The following KIAA0319L variants were observed in gnomAD, a reference collection of about 807,000 sequenced individuals.
KIAA0319L encodes dyslexia-associated protein KIAA0319-like protein.
KIAA0319L carries 55 observed loss-of-function variants against 120.1 expected under a neutral mutation model. The observed-to-expected ratio is 0.46, with a 90% confidence interval of 0.37 to 0.57. KIAA0319L has a LOEUF of 0.57. KIAA0319L is among the 20% of genes least tolerant of loss of function. The pLI, the probability that KIAA0319L is intolerant of heterozygous loss-of-function variation, is 0.00. For missense variants in KIAA0319L, 1,049 were observed against 1,255.3 expected, an observed-to-expected ratio of 0.84 and a Z score of 2.48; for synonymous variants, 398 against 471.9, an observed-to-expected ratio of 0.84 and a Z score of 2.03.
At position 35,444,303 on chromosome 1, in the gene KIAA0319L, GC is replaced by G. The variant is rs770559112; in HGVS notation, c.2514-1del. On this transcript the variant is annotated splice_acceptor_variant, in intron 16 of 20. Coordinates refer to ENST00000325722, the MANE Select transcript of KIAA0319L (RefSeq NM_024874.5). LOFTEE classifies it high-confidence loss of function. ...TTTGAACAAAAAATACCATTTTGGT[GC>G]TGCAGAGACATGCAACAGTACTAAT... is the stretch of plus-strand genomic sequence containing the variant. The G allele has an allele frequency of 4.4e-6, 7 of 1,603,966 alleles. No individual in the cohort carries two copies. Among genetic ancestry groups the G allele is most frequent in the Non-Finnish European group, 6.0e-6 (7 of 1,175,968 alleles).
intron 2 of KIAA0319L, among the ~76,000 whole-genome samples, chr1:35,536,839 A>G (rs1646590537): frequency 6.6e-6 from 1 of 151,862 alleles, no homozygotes; most frequent in Non-Finnish European, 1.5e-5. Flanking sequence ...TAATATTTAA[A>G]GGCAGATTGA....
chr1:35,513,284 ATATATT>A (rs146831918), intron 2 of KIAA0319L, among the ~76,000 whole-genome samples: 28 of 103,212 alleles, frequency 2.7e-4, no homozygotes, highest in Admixed American at 6.9e-4. Context: ...ATATATATAT[ATATATT>A]TTTTTTTTTT....
chr1:35,472,311 T>C (rs1443485009), intron 5 of KIAA0319L, among the ~76,000 whole-genome samples: 1 of 152,130 alleles, frequency 6.6e-6, no homozygotes, highest in Non-Finnish European at 1.5e-5. Flanking sequence ...ACTGACTGAT[T>C]GAGATGAAGT....
intron 3 of KIAA0319L, among the ~76,000 whole-genome samples, chr1:35,482,403 A>G (rs1644209093): frequency 6.6e-6 from 1 of 150,626 alleles, no homozygotes; most frequent in Non-Finnish European, 1.5e-5. Flanking sequence ...TTACAAATCA[A>G]GCTGTTATAA....
intron 3 of KIAA0319L, among the ~76,000 whole-genome samples, chr1:35,484,382 AG>A (rs1644284380): frequency 1.3e-5 from 2 of 152,268 alleles, no homozygotes; most frequent in Non-Finnish European, 2.9e-5. Flanking sequence ...AGGCCAGCCT[AG>A]GCAACATAGT....
chr1:35,479,755 T>C (rs1484802689), intron 3 of KIAA0319L, among the ~76,000 whole-genome samples: 1 of 151,610 alleles, frequency 6.6e-6, no homozygotes, highest in Non-Finnish European at 1.5e-5. Flanking sequence ...ACATAAAAAA[T>C]TAGCTGGGCA....
intron 2 of KIAA0319L, among the ~76,000 whole-genome samples, chr1:35,543,264 T>C (rs77764926): frequency 1.3e-5 from 2 of 152,336 alleles, no homozygotes; most frequent in East Asian, 1.9e-4. Flanking sequence ...CAGAAAACTC[T>C]ACCTTCCCCC....
At chr1:35,527,214 C>T (rs1187644769) in intron 2 of KIAA0319L, among the ~76,000 whole-genome samples, 2 of 149,116 alleles carry the variant, frequency 1.3e-5, no homozygotes, top group African/African-American at 2.6e-5. Context: ...TTTGTTGAAC[C>T]ATCCTTGCAT....
chr1:35,450,495 G>A lies in KIAA0319L; in HGVS notation c.2077C>T (p.Pro693Ser). The change falls in exon 14 of 21, where the codon CCT becomes TCT. Residue 693 changes from proline to serine, a missense_variant. Physicochemically the swap from Pro to Ser is moderately conservative, Grantham distance 74 (BLOSUM62 -1). Transcript: ENST00000325722. ...VIVKEEINKP[P>S]IAKITGNVVI... is the part of the protein sequence containing the mutation. Reference sequence around the variant, plus strand: ...ACATTCCCAGTTATCTTGGCTATAGGTGGTTTGTTTATTTCTAATCAAAAA... The same window carrying A: ...ACATTCCCAGTTATCTTGGCTATAGATGGTTTGTTTATTTCTAATCAAAAA... 3 of 1,612,906 alleles carry A rather than the reference G, an allele frequency of 1.9e-6. No individual in the cohort carries two copies. The highest frequency in any genetic ancestry group is 2.5e-6 in the Non-Finnish European group (3 of 1,179,270).
chr1:35,555,670 C>T (rs1249308219), intron 1 of KIAA0319L, among the ~76,000 whole-genome samples: 1 of 152,172 alleles, frequency 6.6e-6, no homozygotes, highest in Non-Finnish European at 1.5e-5. Context: ...GTACATCCAG[C>T]AATTTCTCTA....
chr1:35,452,098 G>A (rs79907589), intron 12 of KIAA0319L, among the ~76,000 whole-genome samples: 4 of 152,212 alleles, frequency 2.6e-5, no homozygotes, highest in Non-Finnish European at 5.9e-5. Flanking sequence ...CTGATCAAAA[G>A]AATGATTTAA....
chr1:35,452,455 G>GC, intron 12 of KIAA0319L, among the ~76,000 whole-genome samples: 1 of 152,264 alleles, frequency 6.6e-6, no homozygotes. Flanking sequence ...GGATCAAAAT[G>GC]CCCCAGAGCT....
chr1:35,461,388 C>T (rs1226735551), intron 8 of KIAA0319L, among the ~76,000 whole-genome samples: 1 of 152,132 alleles, frequency 6.6e-6, no homozygotes, highest in Non-Finnish European at 1.5e-5. Flanking sequence ...ATTGCTTGAA[C>T]CCAGGAGGTG....
At chr1:35,550,800 T>A (rs1332439713) in intron 2 of KIAA0319L, among the ~76,000 whole-genome samples, 1 of 152,128 alleles carries the variant, frequency 6.6e-6, no homozygotes, top group Non-Finnish European at 1.5e-5. Context: ...ACCCCTAGGC[T>A]CAAGCAATCC....
intron 2 of KIAA0319L, among the ~76,000 whole-genome samples, chr1:35,545,248 C>G (rs1356881583): frequency 6.6e-6 from 1 of 152,154 alleles, no homozygotes; most frequent in Non-Finnish European, 1.5e-5. Flanking sequence ...TGCTGGAACT[C>G]TGGCCCTCTG....
chr1:35,515,904 T>G (rs981084988), intron 2 of KIAA0319L, among the ~76,000 whole-genome samples: 2 of 152,044 alleles, frequency 1.3e-5, no homozygotes, highest in Non-Finnish European at 2.9e-5. Context: ...AAAATAACCA[T>G]TAGAAGCTAC....
Position 35,443,175 on chromosome 1 carries a change from C to T in KIAA0319L, c.2657-147G>A, listed in dbSNP as rs1449182986. ...AGACCCACCTTGGGCATGGTGCCTG[C>T]CTTTCTCATCTCGACTGGACAAAAC... On this transcript the variant is annotated intron_variant, in intron 17 of 20. Coordinates refer to ENST00000325722, the MANE Select transcript of KIAA0319L (RefSeq NM_024874.5). 14 of 857,330 alleles carry T rather than the reference C, an allele frequency of 1.6e-5. No homozygotes were observed. In the East Asian group the frequency reaches 3.2e-4, roughly 20 times the overall value. The allele number at this position is 857,330 out of a possible 1,614,324, so 53.1% of individuals were successfully genotyped here.
At chr1:35,462,837 A>T in intron 7 of KIAA0319L, 124 bp from the exon 8 acceptor site, 334 of 607,052 alleles carry the variant, frequency 5.5e-4, no homozygotes, top group East Asian at 7.9e-4. Context: ...TTTTGGCACC[A>T]GGGACCAGTT....
At chr1:35,503,499 C>A (rs1460334313) in intron 3 of KIAA0319L, among the ~76,000 whole-genome samples, 1 of 152,196 alleles carries the variant, frequency 6.6e-6, no homozygotes, top group Non-Finnish European at 1.5e-5. Context: ...TTATTTCCAT[C>A]TCTTCAGAGC....
Sources: gnomAD v4.1 joint callset for allele counts (sites outside exome capture counted in the v4.1 genomes callset) on GRCh38, gnomAD v4.1.1 for gene constraint, MANE v1.5 for transcripts, NCBI Gene and HGNC (gene_info 2026-07-23, HGNC 2026-07-21) for gene names.